SRSF12: variants seen among roughly 807,000 people sequenced by gnomAD.
The protein encoded by SRSF12 is serine/arginine-rich splicing factor 12.
A neutral mutation model predicts 34.1 loss-of-function variants in SRSF12; 21 were observed. That is an observed-to-expected ratio of 0.62 (90% CI 0.44 to 0.89). The LOEUF (loss-of-function observed/expected upper bound fraction) is 0.89. SRSF12 is among the 40% of genes least tolerant of loss of function. The pLI is 0.00. For synonymous variants in SRSF12, 111 were observed against 110.8 expected, an observed-to-expected ratio of 1.00 and a Z score of -0.01; for missense variants, 278 against 327.8, an observed-to-expected ratio of 0.85 and a Z score of 1.17.
In SRSF12 at chr6:89,117,957, C is replaced by G; in HGVS notation, c.-70G>C. 1 of 1,478,914 alleles carries G rather than the reference C, an allele frequency of 6.8e-7. No homozygotes were observed. Among genetic ancestry groups the G allele is most frequent in the East Asian group, 2.9e-5 (1 of 34,014 alleles). The allele number at this position is 1,478,914 out of a possible 1,614,324, so 91.6% of individuals were successfully genotyped here. ...CTCGCTCCGTCTCCCGCTACCGCTG[C>G]TACCACCACAGGAGCTCCGCCGGCC... On this transcript the variant is annotated 5_prime_UTR_variant, in exon 1 of 5. Coordinates refer to ENST00000452027, the MANE Select transcript of SRSF12 (RefSeq NM_080743.5).
chr6:89,101,444 G>A (rs971957941), intron 4 of SRSF12, among the ~76,000 whole-genome samples: 18 of 152,082 alleles, frequency 1.2e-4, no homozygotes, highest in South Asian at 2.1e-4. Flanking sequence ...AAAACCGGCC[G>A]GGTGCGGTGG....
rs1288779541 is a variant in SRSF12, at chr6:89,099,404, A to ATATATATACACATATATATATATATGTG, written c.417-458_417-457insCACATATATATATATATGTGTATATATA. Among the ~76,000 whole-genome samples the ATATATATACACATATATATATATATGTG allele has an allele frequency of 6.0e-3, 505 of 83,814 alleles. 8 individuals carry two copies. The highest frequency in any genetic ancestry group is 0.012 in the Middle Eastern group (2 of 164). 55.0% of individuals were successfully genotyped at this position (83,814 alleles called of 152,430 possible). On this transcript the variant is annotated intron_variant, in intron 4 of 4. Transcript: ENST00000452027. ...AAAACAGCTCTCTCTCTCTCTCTCC[A>ATATATATACACATATATATATATATGTG]TATATATATACATATATATATGTGT...
chr6:89,099,095 T>C, intron 4 of SRSF12, 148 bp from the exon 5 acceptor site: 2 of 1,066,792 alleles, frequency 1.9e-6, no homozygotes, highest in South Asian at 1.8e-5. Context: ...TTATGCATGC[T>C]TTTGGTTCAA....
intron 3 of SRSF12, 77 bp downstream of exon 3, chr6:89,105,350 A>C (rs1768736010): frequency 6.4e-7 from 1 of 1,562,578 alleles, no homozygotes; most frequent in Non-Finnish European, 8.7e-7. Flanking sequence ...TACTGAAAGA[A>C]TTTTAAATTA....
intron 1 of SRSF12, among the ~76,000 whole-genome samples, chr6:89,113,764 C>G (rs1386849410): frequency 6.6e-6 from 1 of 152,140 alleles, no homozygotes; most frequent in Non-Finnish European, 1.5e-5. Context: ...CCACGTCAGC[C>G]TCTCAAATAG....
chr6:89,101,689 C>T (rs915592453), intron 4 of SRSF12, among the ~76,000 whole-genome samples: 2 of 130,558 alleles, frequency 1.5e-5, no homozygotes, highest in African/African-American at 5.4e-5. Context: ...CAGAGTGAGA[C>T]TCTGTCTCAA....
At position 89,105,506 on chromosome 6, in the gene SRSF12, T is replaced by C. The variant is rs1398098467; in HGVS notation, c.195A>G (p.Glu65=). 1.2e-6 allele frequency: 2 copies of C among 1,607,522 alleles called. No homozygotes were observed. Among genetic ancestry groups the C allele is most frequent in the African/African-American group, 2.7e-5 (2 of 74,698 alleles). The part of the protein sequence containing the change: ...YVQFEDVRDA[E]DALYNLNRKW... ...TTCTATTGAGGTTATAAAGAGCATCTTCAGCATCTCGAACATCTTCAAATA... is the reference window on the plus strand; with the variant it reads ...TTCTATTGAGGTTATAAAGAGCATCCTCAGCATCTCGAACATCTTCAAATA... The change falls in exon 3 of 5, where the codon GAA becomes GAG. Residue 65 remains glutamate (E), a synonymous_variant. Transcript: ENST00000452027.
intron 4 of SRSF12, 101 bp downstream of exon 4, chr6:89,105,018 A>T: frequency 8.2e-7 from 1 of 1,223,828 alleles, no homozygotes; most frequent in African/African-American, 1.5e-5. Context: ...ATCGCACACT[A>T]CTGCACTCCA....
intron 4 of SRSF12, among the ~76,000 whole-genome samples, chr6:89,102,200 G>C (rs1209485336): frequency 1.3e-5 from 2 of 152,114 alleles, no homozygotes; most frequent in Non-Finnish European, 2.9e-5. Context: ...CTGGAGTGCA[G>C]TGGGGCGAGC....
At chr6:89,099,511 T>C (rs1301980677) in intron 4 of SRSF12, among the ~76,000 whole-genome samples, 1 of 52,650 alleles carries the variant, frequency 1.9e-5, no homozygotes, top group Non-Finnish European at 3.3e-5. Context: ...TGTGTATATA[T>C]ATATACACAC....
At chr6:89,110,847 G>A (rs1769014401) in intron 1 of SRSF12, among the ~76,000 whole-genome samples, 1 of 152,136 alleles carries the variant, frequency 6.6e-6, no homozygotes, top group Admixed American at 6.5e-5. Flanking sequence ...CAGGCATGGT[G>A]GCTGATACCT....
At chr6:89,111,173 A>G (rs1769031599) in intron 1 of SRSF12, among the ~76,000 whole-genome samples, 1 of 151,454 alleles carries the variant, frequency 6.6e-6, no homozygotes, top group South Asian at 2.1e-4. Flanking sequence ...CTGTGGCACA[A>G]TCTCGGGTCA....
At position 89,105,650 on chromosome 6, in the gene SRSF12, C is replaced by A. The variant is rs1038646836; in HGVS notation, c.171-120G>T. On this transcript the variant is annotated intron_variant, in intron 2 of 4. Transcript: ENST00000452027. Reference sequence around the variant, plus strand: ...CAAGTTCAAGTTATTAAGCTCACATCTTCAATATAATATGAATAATCAGAA... The same window carrying A: ...CAAGTTCAAGTTATTAAGCTCACATATTCAATATAATATGAATAATCAGAA... 4.5e-6 allele frequency: 3 copies of A among 668,146 alleles called. No homozygotes were observed. The African/African-American group carries it at 5.5e-5, about 12-fold the overall frequency. The allele number at this position is 668,146 out of a possible 1,614,324, so 41.4% of individuals were successfully genotyped here. A position where few individuals can be genotyped will look rare whatever the true frequency, so the allele number is the denominator to read the frequency against.
At chr6:89,104,995 ACAGTGGGCCATGAT>A (rs1232764163) in intron 4 of SRSF12, 110 bp downstream of exon 4, 1 of 939,734 alleles carries the variant, frequency 1.1e-6, no homozygotes, top group Admixed American at 3.1e-5. Flanking sequence ...GGTCAAGTCT[ACAGTGGGCCATGAT>A]CGCACACTAC....
chr6:89,113,177 T>C (rs189265991), intron 1 of SRSF12, among the ~76,000 whole-genome samples: 124 of 152,112 alleles, frequency 8.2e-4, no homozygotes, highest in African/African-American at 2.8e-3. Context: ...TTTATCCCAA[T>C]GATTTATTTT....
intron 2 of SRSF12, 75 bp downstream of exon 2, chr6:89,107,079 T>C (rs1219960799): frequency 7.8e-7 from 1 of 1,283,552 alleles, no homozygotes; most frequent in African/African-American, 1.5e-5. Flanking sequence ...TCTCATAACA[T>C]ATGCTACTGA....
At chr6:89,099,921 C>A (rs1388855219) in intron 4 of SRSF12, among the ~76,000 whole-genome samples, 1 of 152,108 alleles carries the variant, frequency 6.6e-6, no homozygotes. Context: ...GCAGGAAGAA[C>A]CTGAGGGATT....
chr6:89,105,011 G>T, intron 4 of SRSF12, 108 bp downstream of exon 4: 1 of 1,109,822 alleles, frequency 9.0e-7, no homozygotes, highest in Non-Finnish European at 1.2e-6. Context: ...GGCCATGATC[G>T]CACACTACTG....
chr6:89,103,432 G>A lies in SRSF12; in HGVS notation c.416+1687C>T, dbSNP rs551265450. ...CAACCTCTGCCTCCCAGGTTCAAGC[G>A]ATTCTCCTGCCTCAGCCTCCCAAGT... On this transcript the variant is annotated intron_variant, in intron 4 of 4. Transcript: ENST00000452027. 3.4e-4 allele frequency among the ~76,000 whole-genome samples: 51 copies of A among 151,938 alleles called. 1 individual carries two copies. The highest frequency in any genetic ancestry group is 1.2e-3 in the African/African-American group (48 of 41,422).
Sources: gnomAD v4.1 joint callset for allele counts (sites outside exome capture counted in the v4.1 genomes callset) on GRCh38, gnomAD v4.1.1 for gene constraint, MANE v1.5 for transcripts, NCBI Gene and HGNC (gene_info 2026-07-23, HGNC 2026-07-21) for gene names.